The following PTPRG variants were observed in gnomAD, a reference collection of about 807,000 sequenced individuals.
The protein encoded by PTPRG is receptor-type tyrosine-protein phosphatase gamma.
PTPRG carries 102 observed loss-of-function variants against 165.3 expected under a neutral mutation model. The ratio of observed to expected loss-of-function variants is 0.62; its 90% CI spans 0.53 to 0.73. The LOEUF is 0.73. Among genes scored for constraint, PTPRG ranks in the 30% least tolerant of loss-of-function variants. The pLI is 0.00. For missense variants in PTPRG, 1,866 were observed against 1,861.4 expected, an observed-to-expected ratio of 1.00 and a Z score of -0.05; for synonymous variants, 675 against 669.5, an observed-to-expected ratio of 1.01 and a Z score of -0.13.
intron 4 of PTPRG, among the ~76,000 whole-genome samples, chr3:62,046,378 T>A (rs1700293096): frequency 6.6e-6 from 1 of 152,210 alleles, no homozygotes; most frequent in African/African-American, 2.4e-5. Flanking sequence ...TGTCTATCTT[T>A]CATTGACCTT....
At chr3:61,979,186 G>A (rs1431058268) in intron 2 of PTPRG, among the ~76,000 whole-genome samples, 1 of 152,192 alleles carries the variant, frequency 6.6e-6, no homozygotes, top group Non-Finnish European at 1.5e-5. Context: ...AGATTTTGAT[G>A]CAATATGGTT....
chr3:62,011,203 T>G (rs551319801), intron 4 of PTPRG, among the ~76,000 whole-genome samples: 66 of 152,298 alleles, frequency 4.3e-4, no homozygotes, highest in African/African-American at 1.5e-3. Context: ...CCCGTGCATG[T>G]GTTAAGGAAT....
intron 2 of PTPRG, among the ~76,000 whole-genome samples, chr3:61,872,202 A>T (rs2037603857): frequency 6.6e-6 from 1 of 152,154 alleles, no homozygotes. Context: ...CTACTGTTTG[A>T]AAGACAATAA....
At chr3:62,285,740 C>G (rs990677631) in intron 28 of PTPRG, among the ~76,000 whole-genome samples, 3 of 144,434 alleles carry the variant, frequency 2.1e-5, no homozygotes, top group Admixed American at 6.7e-5. Flanking sequence ...TTAAAAACAG[C>G]TGGGTTCCCA....
At chr3:61,706,802 A>T (rs2031286454) in intron 1 of PTPRG, among the ~76,000 whole-genome samples, 1 of 151,984 alleles carries the variant, frequency 6.6e-6, no homozygotes, top group Non-Finnish European at 1.5e-5. Flanking sequence ...TATTATTATT[A>T]TTATTATTTT....
chr3:62,280,891 C>T (rs918107822), intron 26 of PTPRG, among the ~76,000 whole-genome samples: 2 of 151,814 alleles, frequency 1.3e-5, no homozygotes. Flanking sequence ...CAAGAGGATA[C>T]AAAACAACAG....
At chr3:61,601,931 A>G (rs1043635491) in intron 1 of PTPRG, among the ~76,000 whole-genome samples, 2 of 152,238 alleles carry the variant, frequency 1.3e-5, no homozygotes, top group African/African-American at 4.8e-5. Flanking sequence ...ACTCACTCTC[A>G]TGCGTGGTTT....
chr3:61,690,636 A>T (rs762200938), intron 1 of PTPRG, among the ~76,000 whole-genome samples: 1 of 152,230 alleles, frequency 6.6e-6, no homozygotes, highest in Non-Finnish European at 1.5e-5. Context: ...CTTCTCCGTC[A>T]TCACACATCA....
intron 5 of PTPRG, among the ~76,000 whole-genome samples, chr3:62,084,297 A>T (rs908527365): frequency 6.6e-6 from 1 of 152,214 alleles, no homozygotes; most frequent in Non-Finnish European, 1.5e-5. Flanking sequence ...GTCGTCACCA[A>T]CTCTACTGCA....
At chr3:62,269,198 G>T (rs756018402) in intron 20 of PTPRG, 29 bp downstream of exon 20, 1 of 1,539,348 alleles carries the variant, frequency 6.5e-7, no homozygotes, top group Admixed American at 1.8e-5. Flanking sequence ...AGGCTGCCAG[G>T]GCATCCCCTT....
At chr3:62,289,224 C>A (rs1201317688) in intron 28 of PTPRG, among the ~76,000 whole-genome samples, 1 of 152,120 alleles carries the variant, frequency 6.6e-6, no homozygotes, top group African/African-American at 2.4e-5. Flanking sequence ...TACTGGTACC[C>A]ATACCATAGG....
intron 1 of PTPRG, among the ~76,000 whole-genome samples, chr3:61,562,826 T>G (rs1256141163): frequency 6.6e-6 from 1 of 151,680 alleles, no homozygotes; most frequent in African/African-American, 2.4e-5. Flanking sequence ...AAGGTGGGGG[T>G]TTGCTTTGCT....
At chr3:61,982,169 T>G (rs1173215746) in intron 2 of PTPRG, among the ~76,000 whole-genome samples, 1 of 152,168 alleles carries the variant, frequency 6.6e-6, no homozygotes, top group Non-Finnish European at 1.5e-5. Context: ...AACTTTAAGG[T>G]TGAAAACTTC....
intron 4 of PTPRG, among the ~76,000 whole-genome samples, chr3:62,035,426 C>A (rs996608583): frequency 7.9e-5 from 12 of 151,850 alleles, no homozygotes; most frequent in African/African-American, 2.9e-4. Flanking sequence ...GTAGTTCTAA[C>A]AATAATGCAT....
At chr3:61,589,156 A>G (rs1700506460) in intron 1 of PTPRG, among the ~76,000 whole-genome samples, 1 of 152,234 alleles carries the variant, frequency 6.6e-6, no homozygotes. Flanking sequence ...TTTCAGGTCC[A>G]TAAGTAAAGT....
rs1247082001 is a variant in PTPRG, at chr3:62,214,808, T to A, written c.2156-4043T>A. 6.6e-6 allele frequency among the ~76,000 whole-genome samples: 1 copy of A among 152,170 alleles called. No homozygotes were observed. Among genetic ancestry groups the A allele is most frequent in the Non-Finnish European group, 1.5e-5 (1 of 68,032 alleles). ...TAGATGAAGAACTCCAGGCCCAAAC[T>A]GGTTTAAGTTATTGGTTAAAAGTCA... On this transcript the variant is annotated intron_variant, in intron 12 of 29. Transcript: ENST00000474889. The surrounding 1 kb of genome is among the most constrained non-coding windows in gnomAD (Gnocchi z 5.2).
chr3:61,607,067 C>G (rs371801905), intron 1 of PTPRG, among the ~76,000 whole-genome samples: 1 of 152,224 alleles, frequency 6.6e-6, no homozygotes, highest in Admixed American at 6.5e-5. Flanking sequence ...AGAGGACTCT[C>G]TGCCAAGAGG....
At chr3:61,989,091 A>C (rs772402567) in intron 2 of PTPRG, among the ~76,000 whole-genome samples, 1 of 152,172 alleles carries the variant, frequency 6.6e-6, no homozygotes, top group Non-Finnish European at 1.5e-5. Flanking sequence ...CAAACTGAAA[A>C]ATCTTTCACA....
intron 2 of PTPRG, among the ~76,000 whole-genome samples, chr3:61,873,671 G>A (rs529782711): frequency 6.6e-6 from 1 of 152,230 alleles, no homozygotes; most frequent in East Asian, 1.9e-4. Context: ...TGGGTAACTG[G>A]GGGGAGGGGT....
Sources: allele counts gnomAD v4.1 joint callset (sites outside exome capture counted in the v4.1 genomes callset), GRCh38; gene constraint gnomAD v4.1.1; non-coding constraint Gnocchi (gnomAD v3.1); transcripts MANE v1.5; gene names NCBI Gene and HGNC (gene_info 2026-07-23, HGNC 2026-07-21).